SHISA9: variants seen among roughly 807,000 people sequenced by gnomAD.
SHISA9 encodes protein shisa-9.
In SHISA9, 13 loss-of-function variants were observed where a neutral mutation model predicts 38.0. That is an observed-to-expected ratio of 0.34 (90% CI 0.22 to 0.54). The LOEUF is 0.54. Among genes scored for constraint, SHISA9 ranks in the 20% least tolerant of loss-of-function variants. The pLI, the probability that SHISA9 is intolerant of heterozygous loss-of-function variation, is 0.91. For synonymous variants in SHISA9, 275 were observed against 242.0 expected (o/e 1.14, Z -1.27); for missense variants, 538 against 575.8 (o/e 0.93, Z 0.67).
the SHISA9 span, among the ~76,000 whole-genome samples, chr16:13,402,071 G>C: frequency 6.6e-6 from 1 of 152,218 alleles, no homozygotes; most frequent in East Asian, 1.9e-4. Flanking sequence ...ATGAGATTTG[G>C]GTGTGGGCAC....
At chr16:13,118,730 C>CTTTTTTTTTTTTTT (rs34471353) in intron 2 of SHISA9, among the ~76,000 whole-genome samples, 5 of 130,752 alleles carry the variant, frequency 3.8e-5, no homozygotes, top group Non-Finnish European at 4.7e-5. Flanking sequence ...TTTCTTTTTT[C>CTTTTTTTTTTTTTT]TTTTTTTTTT....
intron 1 of SHISA9, chr16:12,909,057 C>G: frequency 1.0e-6 from 1 of 996,086 alleles, no homozygotes; most frequent in Non-Finnish European, 1.2e-6. Context: ...TCTTTCTATG[C>G]ATTTGTGGTT....
At chr16:13,009,170 A>G (rs1045143988) in intron 2 of SHISA9, among the ~76,000 whole-genome samples, 12 of 152,102 alleles carry the variant, frequency 7.9e-5, no homozygotes, top group African/African-American at 2.9e-4. Context: ...TTTACAAACA[A>G]GGTAGTCAAG....
At chr16:13,118,735 T>TC (rs927058254) in intron 2 of SHISA9, among the ~76,000 whole-genome samples, 2 of 149,182 alleles carry the variant, frequency 1.3e-5, no homozygotes, top group African/African-American at 4.9e-5. Context: ...TTTTTCTTTT[T>TC]TTTTTTTTTT....
the SHISA9 span, chr16:13,331,803 G>C: frequency 6.6e-6 from 1 of 152,126 alleles, no homozygotes; most frequent in Non-Finnish European, 1.5e-5. Flanking sequence ...CTAGTCCTTG[G>C]TTTCCTATCT....
At chr16:12,952,366 G>A (rs1325112828) in intron 2 of SHISA9, among the ~76,000 whole-genome samples, 1 of 152,202 alleles carries the variant, frequency 6.6e-6, no homozygotes, top group Non-Finnish European at 1.5e-5. Context: ...ATCTCCCAGA[G>A]GGCCCTTCAG....
chr16:13,438,499 A>G, the SHISA9 span, among the ~76,000 whole-genome samples: 1 of 152,348 alleles, frequency 6.6e-6, no homozygotes, highest in South Asian at 2.1e-4. Flanking sequence ...TTTTGTACAT[A>G]AGACATTAAG....
At chr16:13,402,472 T>A in the SHISA9 span, among the ~76,000 whole-genome samples, 1 of 151,898 alleles carries the variant, frequency 6.6e-6, no homozygotes, top group Admixed American at 6.6e-5. Context: ...CTTGGGCCCT[T>A]CGTGGATTGG....
chr16:13,562,334 A>T, the SHISA9 span, among the ~76,000 whole-genome samples: 2 of 152,116 alleles, frequency 1.3e-5, no homozygotes, highest in Non-Finnish European at 2.9e-5. Flanking sequence ...TGGACTAAAA[A>T]ATGATTCATT....
the SHISA9 span, among the ~76,000 whole-genome samples, chr16:13,262,864 T>A: frequency 6.6e-6 from 1 of 152,248 alleles, no homozygotes; most frequent in East Asian, 1.9e-4. Flanking sequence ...TTTTTGCTCA[T>A]TCAGGTTTAA....
the SHISA9 span, among the ~76,000 whole-genome samples, chr16:13,523,635 C>T: frequency 6.6e-6 from 1 of 152,140 alleles, no homozygotes; most frequent in South Asian, 2.1e-4. Context: ...GGAGGTGCTA[C>T]ACACTTTTGA....
the SHISA9 span, among the ~76,000 whole-genome samples, chr16:13,518,770 G>A: frequency 2.9e-3 from 441 of 152,320 alleles, 2 homozygotes; most frequent in African/African-American, 1.0e-2. Context: ...AACAGACTGC[G>A]CAATTTATAA....
the SHISA9 span, among the ~76,000 whole-genome samples, chr16:13,504,943 C>A: frequency 6.6e-6 from 1 of 152,168 alleles, no homozygotes. Flanking sequence ...ACTGCCCTAT[C>A]TTTGTAGATA....
intron 2 of SHISA9, among the ~76,000 whole-genome samples, chr16:13,147,356 T>A (rs2142001238): frequency 6.6e-6 from 1 of 151,830 alleles, no homozygotes; most frequent in South Asian, 2.1e-4. Flanking sequence ...CAAGGTCAGG[T>A]CATAAAATAG....
the SHISA9 span, among the ~76,000 whole-genome samples, chr16:13,376,243 C>A: frequency 6.6e-6 from 1 of 152,160 alleles, no homozygotes; most frequent in African/African-American, 2.4e-5. Flanking sequence ...ATAATCCTCC[C>A]TTAGGGAGTG....
At chr16:13,227,529 G>A (rs2051291288) in intron 4 of SHISA9, among the ~76,000 whole-genome samples, 1 of 152,160 alleles carries the variant, frequency 6.6e-6, no homozygotes, top group African/African-American at 2.4e-5. Flanking sequence ...AATGTTGCTG[G>A]GTTCAGGGAT....
In SHISA9 at chr16:13,239,268, G is replaced by T. The variant is rs2142094635; in HGVS notation, c.*3859G>T. ...ACTTTTGGGTTGGTTCCAAGTCTTT[G>T]CTATTGTGAATAGTGCCGCAATAAA... On this transcript the variant is annotated 3_prime_UTR_variant, in exon 5 of 5. Transcript: ENST00000558583. 6.6e-6 allele frequency: 1 copy of T among 151,768 alleles called. No homozygotes were observed. Among genetic ancestry groups the T allele is most frequent in the East Asian group, 1.9e-4 (1 of 5,140 alleles). The allele number at this position is 151,768 out of a possible 1,614,324, so 9.4% of individuals were successfully genotyped here.
Position 12,908,277 on chromosome 16 carries a change from A to G in SHISA9, c.563+5650A>G, listed in dbSNP as rs115806950. 9.3e-3 allele frequency among the ~76,000 whole-genome samples: 1,410 copies of G among 152,176 alleles called. 23 individuals carry two copies. Among genetic ancestry groups the G allele is most frequent in the African/African-American group, 0.031 (1,303 of 41,524 alleles). ...TGTGTGACATTGACCAAGTCTCCTA[A>G]CCTCTCTGGACTTGCATTTGAATCT... On this transcript the variant is annotated intron_variant, in intron 1 of 4. Transcript: ENST00000558583.
the SHISA9 span, among the ~76,000 whole-genome samples, chr16:13,536,498 T>C: frequency 8.5e-4 from 130 of 152,292 alleles, no homozygotes; most frequent in East Asian, 0.023. Flanking sequence ...TATATAATTG[T>C]GGAGTATAAG....
Sources: gnomAD v4.1 joint callset for allele counts (sites outside exome capture counted in the v4.1 genomes callset) on GRCh38, gnomAD v4.1.1 for gene constraint, MANE v1.5 for transcripts, NCBI Gene and HGNC (gene_info 2026-07-23, HGNC 2026-07-21) for gene names.